SMARCD3: variants seen among roughly 807,000 people sequenced by gnomAD.
SMARCD3 encodes the protein SWI/SNF-related matrix-associated actin-dependent regulator of chromatin subfamily D member 3.
Under a neutral mutation model 58.0 loss-of-function variants are expected in SMARCD3, and 14 were observed. That is an observed-to-expected ratio of 0.24 (90% CI 0.16 to 0.38). The LOEUF (loss-of-function observed/expected upper bound fraction) is 0.38, where lower values mean the gene tolerates loss of function less well. Among genes scored for constraint, SMARCD3 ranks in the 10% least tolerant of loss-of-function variants. SMARCD3 has a pLI of 1.00. For missense variants in SMARCD3, 408 were observed against 636.9 expected, an observed-to-expected ratio of 0.64 and a Z score of 3.87; for synonymous variants, 253 against 253.8, an observed-to-expected ratio of 1.00 and a Z score of 0.03.
At chr7:151,265,922 G>A (rs1804065116) in intron 2 of SMARCD3, among the ~76,000 whole-genome samples, 3 of 152,166 alleles carry the variant, frequency 2.0e-5, no homozygotes, top group Admixed American at 2.0e-4. Flanking sequence ...CCGTTGCACT[G>A]TGGAGTTGAA....
chr7:151,255,876 T>C (rs1803682746), intron 2 of SMARCD3, among the ~76,000 whole-genome samples: 1 of 151,290 alleles, frequency 6.6e-6, no homozygotes, highest in Non-Finnish European at 1.5e-5. Flanking sequence ...TAACCTCCCT[T>C]GCATGTACTT....
intron 2 of SMARCD3, among the ~76,000 whole-genome samples, chr7:151,270,412 T>C (rs1235511121): frequency 6.6e-6 from 1 of 152,206 alleles, no homozygotes; most frequent in East Asian, 1.9e-4. Flanking sequence ...GTCCACTGCC[T>C]CACACATTTG....
At chr7:151,259,636 T>C (rs1273037709) in intron 2 of SMARCD3, among the ~76,000 whole-genome samples, 2 of 112,972 alleles carry the variant, frequency 1.8e-5, no homozygotes, top group African/African-American at 7.4e-5. Flanking sequence ...TGAGACGGAC[T>C]TTCACTCTTG....
chr7:151,270,352 G>A (rs1233481449), intron 2 of SMARCD3, among the ~76,000 whole-genome samples: 1 of 152,118 alleles, frequency 6.6e-6, no homozygotes, highest in Admixed American at 6.5e-5. Flanking sequence ...ACAGCACCAA[G>A]AGGGATCTGG....
Position 151,241,756 on chromosome 7 carries a change from G to T in SMARCD3, c.778-103C>A, listed in dbSNP as rs868533408. On this transcript the variant is annotated intron_variant, in intron 7 of 12. Coordinates refer to ENST00000262188, the MANE Select transcript of SMARCD3 (RefSeq NM_001003801.2). The surrounding 1 kb of genome is among the most constrained non-coding windows in gnomAD (Gnocchi z 5.3). Reference sequence around the variant, plus strand: ...GGGGATGTGTTGATTGAGGAAACATGCCCCTGGGGAAGGATAGGTTTGGGA... The same window carrying T: ...GGGGATGTGTTGATTGAGGAAACATTCCCCTGGGGAAGGATAGGTTTGGGA... The T allele has an allele frequency of 2.9e-6, 4 of 1,379,338 alleles. No individual in the cohort carries two copies. In the Middle Eastern group the frequency reaches 5.3e-4, roughly 181 times the overall value. The allele number at this position is 1,379,338 out of a possible 1,614,324, so 85.4% of individuals were successfully genotyped here. A position where few individuals can be genotyped will look rare whatever the true frequency, so the allele number is the denominator to read the frequency against.
At chr7:151,277,099 C>A (rs1422706766), upstream of SMARCD3, 2 of 150,080 alleles carry the variant, frequency 1.3e-5, no homozygotes, top group African/African-American at 2.4e-5. Context: ...GACCCCGGCC[C>A]GGAGCGCGGC....
chr7:151,257,819 G>A (rs545945677), intron 2 of SMARCD3, among the ~76,000 whole-genome samples: 2 of 151,900 alleles, frequency 1.3e-5, no homozygotes, highest in Non-Finnish European at 1.5e-5. Flanking sequence ...TCACTTCCTC[G>A]GAGATCTCAT....
Position 151,245,496 on chromosome 7 carries a change from CCCTGGCTCTGTG to C in SMARCD3, c.242_253del (p.Ala81_Gln84del). On this transcript the variant is annotated inframe_deletion, in exon 2 of 13. Transcript: ENST00000262188. This position sits in a 1 kb window ranked among gnomAD's most constrained non-coding sequence, Gnocchi z 6.2. ...CGCGGGGGCGGTGGGCACCGGCTGG[CCCTGGCTCTGTG>C]CCTGGCTCTGCCCGGGCGGGGGCGC... The C allele has an allele frequency of 2.4e-6, 3 of 1,225,666 alleles. No homozygotes were observed. The highest frequency in any genetic ancestry group is 3.0e-6 in the Non-Finnish European group (3 of 983,730). The allele number at this position is 1,225,666 out of a possible 1,614,324, so 75.9% of individuals were successfully genotyped here.
intron 2 of SMARCD3, among the ~76,000 whole-genome samples, chr7:151,259,007 T>C (rs925498235): frequency 6.6e-6 from 1 of 152,174 alleles, no homozygotes; most frequent in African/African-American, 2.4e-5. Flanking sequence ...CACCCTTCTA[T>C]ATCATCTACT....
intron 2 of SMARCD3, among the ~76,000 whole-genome samples, chr7:151,273,335 G>C (rs1239051191): frequency 6.6e-6 from 1 of 152,138 alleles, no homozygotes; most frequent in Admixed American, 6.5e-5. Flanking sequence ...TTCAGGAAAG[G>C]TCTGGAACAG....
At chr7:151,264,878 T>G (rs894355330) in intron 2 of SMARCD3, among the ~76,000 whole-genome samples, 1 of 152,152 alleles carries the variant, frequency 6.6e-6, no homozygotes, top group Non-Finnish European at 1.5e-5. Context: ...GCCCTGTGGC[T>G]CTTCATGGAG....
chr7:151,255,683 C>A (rs1206665987), intron 2 of SMARCD3, among the ~76,000 whole-genome samples: 1 of 152,048 alleles, frequency 6.6e-6, no homozygotes, highest in Admixed American at 6.6e-5. Context: ...CGCTGACCAC[C>A]GTCTCCTCTT....
chr7:151,246,852 C>T lies in SMARCD3; in HGVS notation c.79-1181G>A, dbSNP rs889029470. ...CGGGGTGGGATGGGGACTGGGACCA[C>T]GAAAGCAGGAAGAAGATCAGAGGGC... On this transcript the variant is annotated intron_variant, in intron 1 of 12. Transcript: ENST00000262188. The surrounding 1 kb of genome is among the most constrained non-coding windows in gnomAD (Gnocchi z 4.4). Among the ~76,000 whole-genome samples the T allele has an allele frequency of 1.3e-5, 2 of 152,068 alleles. No individual in the cohort carries two copies. Among genetic ancestry groups the T allele is most frequent in the Non-Finnish European group, 2.9e-5 (2 of 68,006 alleles).
chr7:151,242,864 C>T lies in SMARCD3; in HGVS notation c.334-21G>A. ...CGAATCTGGAGAAGGAGGAGCAGGG[C>T]AGGAGTCAGAGGCTCAAGTCCAGGG... On this transcript the variant is annotated intron_variant, in intron 3 of 12. Coordinates refer to ENST00000262188, the MANE Select transcript of SMARCD3 (RefSeq NM_001003801.2). The surrounding 1 kb of genome is among the most constrained non-coding windows in gnomAD (Gnocchi z 4.7). 1 of 1,613,486 alleles carries T rather than the reference C, an allele frequency of 6.2e-7. No individual in the cohort carries two copies. The highest frequency in any genetic ancestry group is 8.5e-7 in the Non-Finnish European group (1 of 1,179,696).
intron 2 of SMARCD3, among the ~76,000 whole-genome samples, chr7:151,265,521 C>T (rs1169886620): frequency 6.6e-6 from 1 of 152,234 alleles, no homozygotes. Context: ...CCCCACAGCT[C>T]TGCTCTTCAG....
In SMARCD3 at chr7:151,240,537, T is replaced by G; in HGVS notation, c.940-15A>C. On this transcript the variant is annotated splice_polypyrimidine_tract_variant and intron_variant, in intron 8 of 12. Coordinates refer to ENST00000262188, the MANE Select transcript of SMARCD3 (RefSeq NM_001003801.2). Reference sequence around the variant, plus strand: ...CAATCAAAAATCTGAAGCAGGACAATTGGGGAGAGAGAGATCACTCTTCTT... The same window carrying G: ...CAATCAAAAATCTGAAGCAGGACAAGTGGGGAGAGAGAGATCACTCTTCTT... 6.3e-7 allele frequency: 1 copy of G among 1,581,418 alleles called. No homozygotes were observed. Among genetic ancestry groups the G allele is most frequent in the Non-Finnish European group, 8.7e-7 (1 of 1,152,112 alleles).
intron 9 of SMARCD3, 44 bp from the exon 10 acceptor site, chr7:151,240,291 C>CG (rs61667463): frequency 1 from 1,609,121 of 1,613,286 alleles, 802,553 homozygotes; most frequent in East Asian, 1. Context: ...TGCCCCCATA[C>CG]GGCCCCAGGG....
Position 151,243,703 on chromosome 7 carries a change from T to G in SMARCD3, c.291-2A>C. Reference sequence around the variant, plus strand: ...TCAGCCATCTTCCTCCTCTTGGCACTGTACATTTTTTAAAGAAAAAACCAG... The same window carrying G: ...TCAGCCATCTTCCTCCTCTTGGCACGGTACATTTTTTAAAGAAAAAACCAG... On this transcript the variant is annotated splice_acceptor_variant, in intron 2 of 12. Transcript: ENST00000262188. LOFTEE classifies it high-confidence loss of function. This position sits in a 1 kb window ranked among gnomAD's most constrained non-coding sequence, Gnocchi z 4.4. 2 of 1,609,490 alleles carry G rather than the reference T, an allele frequency of 1.2e-6. No individual in the cohort carries two copies. Among genetic ancestry groups the G allele is most frequent in the Non-Finnish European group, 1.7e-6 (2 of 1,175,854 alleles).
chr7:151,241,534 G>T lies in SMARCD3; in HGVS notation c.897C>A (p.Ser299=). 2 of 1,612,210 alleles carry T rather than the reference G, an allele frequency of 1.2e-6. No individual in the cohort carries two copies. Among genetic ancestry groups the T allele is most frequent in the Non-Finnish European group, 8.5e-7 (1 of 1,179,264 alleles). ...QYVKTNRLQD[S]HDKEYINGDK... The stretch of plus-strand genomic sequence containing the variant: ...CCCCATTGATGTATTCCTTGTCATG[G>T]GAGTCCTGCAGCCTGTTGGTCTTCA... Residue 299 remains serine, a synonymous_variant, in exon 8 of 13, where the codon TCC becomes TCA. Transcript: ENST00000262188. This position sits in a 1 kb window ranked among gnomAD's most constrained non-coding sequence, Gnocchi z 5.3.
Sources: gnomAD v4.1 joint callset for allele counts (sites outside exome capture counted in the v4.1 genomes callset) on GRCh38, gnomAD v4.1.1 for gene constraint, Gnocchi (gnomAD v3.1) non-coding constraint, MANE v1.5 for transcripts, NCBI Gene and HGNC (gene_info 2026-07-23, HGNC 2026-07-21) for gene names.